NRXN1: variants seen among roughly 807,000 people sequenced by gnomAD.
The protein encoded by NRXN1 is neurexin 1.
In NRXN1, 39 loss-of-function variants were observed where a neutral mutation model predicts 150.9. The observed-to-expected ratio is 0.26, with a 90% CI of 0.20 to 0.34. NRXN1 has a LOEUF of 0.34. Among genes scored for constraint, NRXN1 ranks in the 10% least tolerant of loss-of-function variants. The pLI is 1.00. For synonymous variants in NRXN1, 924 were observed against 757.0 expected, an observed-to-expected ratio of 1.22 and a Z score of -3.62; for missense variants, 1,815 against 1,949.9, an observed-to-expected ratio of 0.93 and a Z score of 1.30.
intron 18 of NRXN1, among the ~76,000 whole-genome samples, chr2:50,198,008 G>A (rs1029374508): frequency 1.3e-5 from 2 of 152,018 alleles, no homozygotes; most frequent in African/African-American, 2.4e-5. Flanking sequence ...TGCACTCTAA[G>A]TCTCAAGACA....
intron 5 of NRXN1, among the ~76,000 whole-genome samples, chr2:50,642,200 T>C (rs1263596162): frequency 2.0e-5 from 3 of 152,072 alleles, no homozygotes; most frequent in Non-Finnish European, 2.9e-5. Flanking sequence ...ACCATGCTAA[T>C]TGCTTTGAAG....
intron 5 of NRXN1, among the ~76,000 whole-genome samples, chr2:50,894,863 G>A (rs902227878): frequency 2.6e-5 from 4 of 151,990 alleles, no homozygotes; most frequent in African/African-American, 9.7e-5. Context: ...ATTATACCAC[G>A]ATGTAATCTA....
chr2:50,379,789 T>C (rs2080816944), intron 17 of NRXN1, among the ~76,000 whole-genome samples: 1 of 152,186 alleles, frequency 6.6e-6, no homozygotes, highest in African/African-American at 2.4e-5. Context: ...TGCTTAATTC[T>C]TTATTAAATA....
intron 17 of NRXN1, among the ~76,000 whole-genome samples, chr2:50,274,033 C>A (rs1179404915): frequency 6.6e-6 from 1 of 152,100 alleles, no homozygotes; most frequent in African/African-American, 2.4e-5. Context: ...TGGGTATATA[C>A]CCAAAGGATT....
intron 5 of NRXN1, among the ~76,000 whole-genome samples, chr2:50,785,490 C>T (rs191642951): frequency 1.3e-3 from 198 of 152,150 alleles, no homozygotes; most frequent in South Asian, 5.6e-3. Flanking sequence ...CCTCATGGTC[C>T]GCCCGCCTTG....
At chr2:50,621,325 G>T (rs878922471) in intron 6 of NRXN1, 76 bp from the exon 7 acceptor site, 2 of 1,121,918 alleles carry the variant, frequency 1.8e-6, no homozygotes, top group East Asian at 2.6e-5. Flanking sequence ...AAATATGATG[G>T]TCTCTACCAT....
intron 8 of NRXN1, among the ~76,000 whole-genome samples, chr2:50,608,952 A>T (rs529881449): frequency 8.6e-5 from 13 of 151,884 alleles, no homozygotes; most frequent in South Asian, 4.2e-4. Flanking sequence ...ACCCATATTT[A>T]AAAAAAAATC....
Position 51,028,840 on chromosome 2 carries a change from A to G in NRXN1, c.-567T>C, listed in dbSNP as rs1251374693. The G allele has an allele frequency of 6.6e-6, 1 of 152,360 alleles. No homozygotes were observed. The highest frequency in any genetic ancestry group is 1.5e-5 in the Non-Finnish European group (1 of 68,128). The allele number at this position is 152,360 out of a possible 1,614,324, so 9.4% of individuals were successfully genotyped here. On this transcript the variant is annotated 5_prime_UTR_variant, in exon 2 of 23. Transcript: ENST00000401669. ...TCCTTCAGATGTGGTGTCTTACAGC[A>G]GAACGGAGAAAGGGATGCTTGCCTC...
intron 17 of NRXN1, among the ~76,000 whole-genome samples, chr2:50,367,094 T>C (rs2079635792): frequency 6.6e-6 from 1 of 151,944 alleles, no homozygotes; most frequent in African/African-American, 2.4e-5. Context: ...TTGCTTTGGG[T>C]TTCTCCAGAT....
At chr2:50,701,001 G>A (rs575124563) in intron 5 of NRXN1, among the ~76,000 whole-genome samples, 6 of 152,094 alleles carry the variant, frequency 3.9e-5, no homozygotes, top group African/African-American at 9.6e-5. Flanking sequence ...TAAATTGTCC[G>A]AAGGGTGCTT....
chr2:50,788,439 A>G (rs1042035156), intron 5 of NRXN1, among the ~76,000 whole-genome samples: 2 of 152,076 alleles, frequency 1.3e-5, no homozygotes, highest in Admixed American at 6.6e-5. Flanking sequence ...GACTGCATCA[A>G]TGTCATGTAA....
intron 5 of NRXN1, among the ~76,000 whole-genome samples, chr2:50,695,537 T>A (rs1324108226): frequency 6.6e-6 from 1 of 152,216 alleles, no homozygotes; most frequent in Non-Finnish European, 1.5e-5. Flanking sequence ...TAAGTAACAT[T>A]AGTCTATTTC....
intron 21 of NRXN1, among the ~76,000 whole-genome samples, chr2:49,968,748 GAATAC>G (rs1677401895): frequency 6.6e-6 from 1 of 152,034 alleles, no homozygotes; most frequent in Non-Finnish European, 1.5e-5. Flanking sequence ...GAAATATATA[GAATAC>G]AATGAGCAAA....
chr2:50,186,824 T>A (rs533982640), intron 18 of NRXN1, among the ~76,000 whole-genome samples: 2 of 152,076 alleles, frequency 1.3e-5, no homozygotes, highest in Non-Finnish European at 1.5e-5. Context: ...ACTATTAAGA[T>A]ACACAATCTT....
chr2:50,343,084 T>A (rs1180437465), intron 17 of NRXN1, among the ~76,000 whole-genome samples: 2 of 152,222 alleles, frequency 1.3e-5, no homozygotes, highest in African/African-American at 4.8e-5. Context: ...CTGTTAACAC[T>A]TCCTTCTGGG....
intron 17 of NRXN1, among the ~76,000 whole-genome samples, chr2:50,297,645 C>A (rs1104979): frequency 0.28 from 41,870 of 151,980 alleles, 6,023 homozygotes; most frequent in East Asian, 0.39. Context: ...AGTGTAAAGA[C>A]TCAAGAGAAA....
intron 18 of NRXN1, among the ~76,000 whole-genome samples, chr2:50,191,090 G>A (rs1258067592): frequency 4.0e-5 from 6 of 151,864 alleles, no homozygotes; most frequent in Admixed American, 2.6e-4. Flanking sequence ...GTGCACTGGC[G>A]TGATCTCAGC....
chr2:50,199,588 G>A (rs540972439), intron 18 of NRXN1, among the ~76,000 whole-genome samples: 2 of 150,428 alleles, frequency 1.3e-5, no homozygotes, highest in Non-Finnish European at 2.9e-5. Context: ...ACATTAATAA[G>A]TCAGTAATGA....
At chr2:50,573,257 G>A (rs750224397) in intron 8 of NRXN1, among the ~76,000 whole-genome samples, 4 of 151,988 alleles carry the variant, frequency 2.6e-5, no homozygotes, top group Non-Finnish European at 5.9e-5. Flanking sequence ...CAGCTACTCA[G>A]GAGGCTGAGG....
Sources: allele counts gnomAD v4.1 joint callset (sites outside exome capture counted in the v4.1 genomes callset), GRCh38; gene constraint gnomAD v4.1.1; transcripts MANE v1.5; gene names NCBI Gene and HGNC (gene_info 2026-07-23, HGNC 2026-07-21).